SYT2: variants seen among roughly 807,000 people sequenced by gnomAD.
The protein encoded by SYT2 is synaptotagmin 2, also known as synaptotagmin-2.
SYT2 carries 15 observed loss-of-function variants against 39.9 expected under a neutral mutation model. That is an observed-to-expected ratio of 0.38 (90% confidence interval 0.25 to 0.58). The LOEUF (loss-of-function observed/expected upper bound fraction) is 0.58, where lower values mean the gene tolerates loss of function less well. SYT2 is among the 20% of genes least tolerant of loss of function. SYT2 has a pLI of 0.70. For synonymous variants in SYT2, 181 were observed against 204.5 expected (o/e 0.89, Z 0.98); for missense variants, 389 against 530.3 (o/e 0.73, Z 2.62).
chr1:202,621,080 AG>A (rs1691191060), intron 1 of SYT2, among the ~76,000 whole-genome samples: 1 of 152,206 alleles, frequency 6.6e-6, no homozygotes, highest in Non-Finnish European at 1.5e-5. Context: ...AAGGTGCATA[AG>A]GAATTGATGA....
In SYT2 at chr1:202,599,115, G is replaced by A. The variant is rs1690404822; in HGVS notation, c.1053+103C>T. On this transcript the variant is annotated intron_variant, in intron 8 of 8. Transcript: ENST00000367268. This position sits in a 1 kb window ranked among gnomAD's most constrained non-coding sequence, Gnocchi z 4.4. ...CCTCGAGCCTTCCCCTACCAAGAAA[G>A]GCTGTTCCATGGTCTCTAGGTGAGT... 1 of 1,484,860 alleles carries A rather than the reference G, an allele frequency of 6.7e-7. No individual in the cohort carries two copies. Among genetic ancestry groups the A allele is most frequent in the Non-Finnish European group, 9.1e-7 (1 of 1,104,170 alleles). 92.0% of individuals were successfully genotyped at this position (1,484,860 alleles called of 1,614,324 possible).
intron 1 of SYT2, among the ~76,000 whole-genome samples, chr1:202,627,884 CA>C: frequency 6.6e-6 from 1 of 152,276 alleles, no homozygotes; most frequent in South Asian, 2.1e-4. Context: ...GGAGGTGCAG[CA>C]GATGTGGTTC....
At chr1:202,693,270 C>G (rs1018699231) in intron 1 of SYT2, among the ~76,000 whole-genome samples, 1 of 152,080 alleles carries the variant, frequency 6.6e-6, no homozygotes, top group Non-Finnish European at 1.5e-5. Flanking sequence ...TGACACAATC[C>G]AAGAGGCCAT....
intron 1 of SYT2, among the ~76,000 whole-genome samples, chr1:202,695,269 TAAGGACACAAAG>T (rs1410855651): frequency 6.6e-6 from 1 of 152,132 alleles, no homozygotes; most frequent in Non-Finnish European, 1.5e-5. Flanking sequence ...ACAAAAAGTC[TAAGGACACAAAG>T]AACCCTTGGG....
At chr1:202,703,870 T>C (rs1200788223) in intron 1 of SYT2, among the ~76,000 whole-genome samples, 1 of 152,232 alleles carries the variant, frequency 6.6e-6, no homozygotes, top group African/African-American at 2.4e-5. Flanking sequence ...TGTATTAAGA[T>C]GCATGGAATA....
intron 1 of SYT2, among the ~76,000 whole-genome samples, chr1:202,667,822 C>T (rs990801502): frequency 6.6e-5 from 10 of 152,042 alleles, no homozygotes; most frequent in African/African-American, 2.4e-4. Context: ...AAGCGATTCT[C>T]CTGCCTCAGC....
intron 1 of SYT2, among the ~76,000 whole-genome samples, chr1:202,612,751 A>G (rs1234780336): frequency 1.3e-5 from 2 of 152,180 alleles, no homozygotes; most frequent in African/African-American, 4.8e-5. Context: ...GTTAATTTCT[A>G]CAAAATAGCT....
rs531013053 is a variant in SYT2 at position 202,617,401 on chromosome 1, G to A, written c.-17-11612C>T. Among the ~76,000 whole-genome samples, 6 of 151,936 alleles carry A rather than the reference G, an allele frequency of 3.9e-5. No individual in the cohort carries two copies. The South Asian group carries it at 1.0e-3, about 26-fold the overall frequency. On this transcript the variant is annotated intron_variant, in intron 1 of 8. Transcript: ENST00000367268. ...CCCCACTCCCTCGCCTCTTCCTCCT[G>A]CTCTGGCCATGTGAAGTGCTGGCTC... is the stretch of plus-strand genomic sequence containing the variant.
intron 1 of SYT2, among the ~76,000 whole-genome samples, chr1:202,685,551 T>G (rs1406578627): frequency 3.9e-5 from 6 of 152,198 alleles, no homozygotes; most frequent in Non-Finnish European, 5.9e-5. Context: ...TTGACCCAGC[T>G]TCTTTCCCAG....
chr1:202,604,726 A>G (rs968225436), intron 2 of SYT2, 105 bp from the exon 3 acceptor site: 4 of 1,094,854 alleles, frequency 3.7e-6, no homozygotes, highest in African/African-American at 1.6e-5. Flanking sequence ...CCATCCCACA[A>G]TGCCCACACC....
intron 1 of SYT2, among the ~76,000 whole-genome samples, chr1:202,644,022 AGGGAGAGAAGG>A (rs1191312121): frequency 2.0e-5 from 3 of 152,166 alleles, no homozygotes; most frequent in African/African-American, 7.2e-5. Flanking sequence ...TCCTGAGTCA[AGGGAGAGAAGG>A]GAGGGAGAAG....
chr1:202,678,311 T>G lies in SYT2; in HGVS notation c.-18+31947A>C, dbSNP rs371147888. ...AAAAAAAAAAAAAAAACTAATAAAA[T>G]AAAATGGATGCTTGTACTTTTCTGC... On this transcript the variant is annotated intron_variant, in intron 1 of 8. Transcript: ENST00000367268. Among the ~76,000 whole-genome samples, 48 of 102,060 alleles carry G rather than the reference T, an allele frequency of 4.7e-4. 1 individual carries two copies. In the East Asian group the frequency reaches 0.013, roughly 29 times the overall value. The allele number at this position is 102,060 out of a possible 152,430, so 67.0% of individuals were successfully genotyped here. A position where few individuals can be genotyped will look rare whatever the true frequency, so the allele number is the denominator to read the frequency against.
intron 1 of SYT2, among the ~76,000 whole-genome samples, chr1:202,625,421 GAC>G (rs1691371503): frequency 1.8e-5 from 1 of 56,540 alleles, no homozygotes; most frequent in African/African-American, 6.3e-5. Flanking sequence ...GTGTGGCGTG[GAC>G]TGGGAGTGTA....
intron 1 of SYT2, among the ~76,000 whole-genome samples, chr1:202,622,955 CACAA>C (rs1178228850): frequency 1.3e-5 from 2 of 152,204 alleles, no homozygotes; most frequent in Middle Eastern, 3.2e-3. Flanking sequence ...ACCTCCATCA[CACAA>C]ACAACACCGC....
chr1:202,681,384 T>C (rs1475150977), intron 1 of SYT2, among the ~76,000 whole-genome samples: 1 of 152,200 alleles, frequency 6.6e-6, no homozygotes, highest in Non-Finnish European at 1.5e-5. Context: ...CCACCGCCAC[T>C]GGTGTCTCGT....
intron 8 of SYT2, among the ~76,000 whole-genome samples, chr1:202,598,845 G>A (rs1690392481): frequency 6.6e-6 from 1 of 152,194 alleles, no homozygotes; most frequent in Admixed American, 6.5e-5. Flanking sequence ...GTGGGGCAGG[G>A]ATGGCCAAGA....
chr1:202,645,053 G>A (rs1279806640), intron 1 of SYT2, among the ~76,000 whole-genome samples: 1 of 152,160 alleles, frequency 6.6e-6, no homozygotes, highest in African/African-American at 2.4e-5. Flanking sequence ...TGTTGGGAAG[G>A]GTGTGTGCGT....
intron 1 of SYT2, among the ~76,000 whole-genome samples, chr1:202,675,111 G>A (rs565736322): frequency 7.2e-4 from 110 of 152,278 alleles, no homozygotes; most frequent in African/African-American, 2.1e-3. Context: ...GTTAACTGTT[G>A]AATGAGGACT....
In SYT2 at chr1:202,599,441, C is replaced by A; in HGVS notation, c.920-90G>T. ...ACCAAGGCCTGCCCAGAGCATCGGT[C>A]AAGAGGGGGTCTTCACTCCGCTGAG... On this transcript the variant is annotated intron_variant, in intron 7 of 8. Coordinates refer to ENST00000367268, the MANE Select transcript of SYT2 (RefSeq NM_177402.5). This position sits in a 1 kb window ranked among gnomAD's most constrained non-coding sequence, Gnocchi z 4.4. 1 of 1,416,972 alleles carries A rather than the reference C, an allele frequency of 7.1e-7. No homozygotes were observed. The highest frequency in any genetic ancestry group is 1.5e-5 in the South Asian group (1 of 65,994). 87.8% of individuals were successfully genotyped at this position (1,416,972 alleles called of 1,614,324 possible).
Sources: allele counts gnomAD v4.1 joint callset (sites outside exome capture counted in the v4.1 genomes callset), GRCh38; gene constraint gnomAD v4.1.1; non-coding constraint Gnocchi (gnomAD v3.1); transcripts MANE v1.5; gene names NCBI Gene and HGNC (gene_info 2026-07-23, HGNC 2026-07-21).